Variants in WWC2 observed in about 807,000 individuals in gnomAD.
WWC2 encodes protein WWC2.
WWC2 carries 101 observed loss-of-function variants against 138.5 expected under a neutral mutation model. The observed-to-expected ratio is 0.73, with a 90% CI of 0.62 to 0.86. The LOEUF is 0.86. Ranked by LOEUF, WWC2 falls within the 40% of genes least tolerant of loss-of-function variation. The pLI is 0.00. For missense variants in WWC2, 1,420 were observed against 1,419.4 expected (o/e 1.00, Z -0.01); for synonymous variants, 558 against 538.4 (o/e 1.04, Z -0.50).
intron 1 of WWC2, among the ~76,000 whole-genome samples, chr4:183,126,847 G>A (rs1323611045): frequency 6.6e-6 from 1 of 151,244 alleles, no homozygotes; most frequent in African/African-American, 2.4e-5. Context: ...TTCTGCCTCA[G>A]CCTCCTGAGT....
Position 183,318,329 on chromosome 4 carries a change from T to C in WWC2, c.*2600T>C, listed in dbSNP as rs995924952. 1 of 152,630 alleles carries C rather than the reference T, an allele frequency of 6.6e-6. No homozygotes were observed. The highest frequency in any genetic ancestry group is 2.4e-5 in the African/African-American group (1 of 41,452). 9.5% of individuals were successfully genotyped at this position (152,630 alleles called of 1,614,324 possible). ...ATTGCTTTATCTATATTGTCTTAAATATCAAAAGCTCAGGACTGAACTTAA... is the reference window on the plus strand; with the variant it reads ...ATTGCTTTATCTATATTGTCTTAAACATCAAAAGCTCAGGACTGAACTTAA... On this transcript the variant is annotated 3_prime_UTR_variant, in exon 23 of 23. Transcript: ENST00000403733.
intron 14 of WWC2, among the ~76,000 whole-genome samples, chr4:183,267,531 C>T (rs905444757): frequency 3.9e-5 from 6 of 152,214 alleles, no homozygotes; most frequent in African/African-American, 1.4e-4. Context: ...TAATGCACAA[C>T]TTCAGGAGAA....
intron 17 of WWC2, 29 bp from the exon 18 acceptor site, chr4:183,282,678 CA>C (rs1358479979): frequency 6.4e-7 from 1 of 1,552,154 alleles, no homozygotes; most frequent in Non-Finnish European, 8.7e-7. Flanking sequence ...GCCTGCCTAC[CA>C]AAAGTGTTTT....
chr4:183,286,987 G>A (rs1738280469), intron 20 of WWC2, among the ~76,000 whole-genome samples: 1 of 152,174 alleles, frequency 6.6e-6, no homozygotes, highest in Admixed American at 6.5e-5. Flanking sequence ...GTGGGTAGGT[G>A]GCGTAAAATG....
At chr4:183,252,126 G>T (rs1580111453) in intron 8 of WWC2, among the ~76,000 whole-genome samples, 1 of 152,094 alleles carries the variant, frequency 6.6e-6, no homozygotes, top group Non-Finnish European at 1.5e-5. Context: ...ATGGCACAAA[G>T]GTATAGATCT....
At chr4:183,292,936 T>C (rs1738507420) in intron 21 of WWC2, among the ~76,000 whole-genome samples, 1 of 152,232 alleles carries the variant, frequency 6.6e-6, no homozygotes, top group East Asian at 1.9e-4. Context: ...TGTTGAATTG[T>C]ACAAAGGTTT....
At chr4:183,115,727 C>G (rs1451625984) in intron 1 of WWC2, among the ~76,000 whole-genome samples, 2 of 151,974 alleles carry the variant, frequency 1.3e-5, no homozygotes, top group Non-Finnish European at 2.9e-5. Context: ...GTTTATGTTC[C>G]TTATAGATTC....
At chr4:183,215,384 G>A (rs957551233) in intron 4 of WWC2, among the ~76,000 whole-genome samples, 7 of 152,048 alleles carry the variant, frequency 4.6e-5, no homozygotes, top group African/African-American at 1.7e-4. Context: ...TTAGAAAATA[G>A]TGCAACAGTC....
rs748974265 is a variant in WWC2, at chr4:183,265,112, G to A, written c.2039+5G>A. 6.2e-7 allele frequency: 1 copy of A among 1,600,714 alleles called. No individual in the cohort carries two copies. Among genetic ancestry groups the A allele is most frequent in the South Asian group, 1.1e-5 (1 of 88,218 alleles). On this transcript the variant is annotated splice_donor_5th_base_variant and intron_variant, in intron 12 of 22. Coordinates refer to ENST00000403733, the MANE Select transcript of WWC2 (RefSeq NM_024949.6). ...CTATGAAGCTTTCGTGAAACAGTAA[G>A]GATTCAGCAGGGGCGCTTTTAGCTC...
chr4:183,205,348 A>G (rs1431123389), intron 2 of WWC2, among the ~76,000 whole-genome samples: 4 of 152,162 alleles, frequency 2.6e-5, no homozygotes, highest in South Asian at 2.1e-4. Flanking sequence ...CTTACTGGCT[A>G]TTTGCACAAT....
chr4:183,314,441 G>A (rs1739366778), intron 22 of WWC2, among the ~76,000 whole-genome samples: 1 of 152,224 alleles, frequency 6.6e-6, no homozygotes, highest in Admixed American at 6.5e-5. Context: ...CGAGAATGAT[G>A]AGATGGACCA....
chr4:183,256,776 C>T (rs980495985), intron 9 of WWC2, among the ~76,000 whole-genome samples: 4 of 151,766 alleles, frequency 2.6e-5, no homozygotes, highest in African/African-American at 9.7e-5. Context: ...TTTGGGGTTC[C>T]CATTATTTCA....
chr4:183,135,424 A>G (rs1191713483), intron 1 of WWC2, among the ~76,000 whole-genome samples: 1 of 151,858 alleles, frequency 6.6e-6, no homozygotes, highest in African/African-American at 2.4e-5. Context: ...GTTCATATTT[A>G]CTTTTTTCTG....
chr4:183,106,591 C>A (rs1322663568), intron 1 of WWC2, among the ~76,000 whole-genome samples: 3 of 152,144 alleles, frequency 2.0e-5, no homozygotes, highest in Non-Finnish European at 4.4e-5. Context: ...ATTCATCTCC[C>A]GTCTCTACAG....
At chr4:183,127,361 T>C (rs1732793253) in intron 1 of WWC2, among the ~76,000 whole-genome samples, 1 of 152,228 alleles carries the variant, frequency 6.6e-6, no homozygotes, top group African/African-American at 2.4e-5. Flanking sequence ...AAGGACATTA[T>C]ACTAAGTGAA....
At position 183,164,226 on chromosome 4, in the gene WWC2, G is replaced by A. The variant is rs115321459; in HGVS notation, c.132-29373G>A. The stretch of plus-strand genomic sequence containing the variant: ...TACTTGGAAAATGTTATGACTTAAC[G>A]TAGGTCAGTGTCCCCTGCATTATGT... On this transcript the variant is annotated intron_variant, in intron 1 of 22. Transcript: ENST00000403733. 9.5e-3 allele frequency among the ~76,000 whole-genome samples: 1,391 copies of A among 147,142 alleles called. 14 individuals carry two copies. Among genetic ancestry groups the A allele is most frequent in the Non-Finnish European group, 0.015 (985 of 67,286 alleles).
chr4:183,149,934 C>T (rs1446123187), intron 1 of WWC2, among the ~76,000 whole-genome samples: 1 of 152,124 alleles, frequency 6.6e-6, no homozygotes, highest in African/African-American at 2.4e-5. Flanking sequence ...GGTTTCTCTT[C>T]ATCTGCTTCT....
At position 183,271,078 on chromosome 4, in the gene WWC2, A is replaced by G. The variant is rs1737680809; in HGVS notation, c.2401-2A>G. On this transcript the variant is annotated splice_acceptor_variant, in intron 15 of 22. Coordinates refer to ENST00000403733, the MANE Select transcript of WWC2 (RefSeq NM_024949.6). LOFTEE classifies it high-confidence loss of function. ...TTTCTTTGTTTTCTTTCACTTACAT[A>G]GGCTGGAACTCAGATCAGCCTGGCA... is the stretch of plus-strand genomic sequence containing the variant. 2 of 1,541,906 alleles carry G rather than the reference A, an allele frequency of 1.3e-6. No homozygotes were observed. Among genetic ancestry groups the G allele is most frequent in the African/African-American group, 1.4e-5 (1 of 71,850 alleles).
intron 1 of WWC2, among the ~76,000 whole-genome samples, chr4:183,156,412 G>A (rs1426185288): frequency 2.7e-5 from 4 of 146,926 alleles, no homozygotes; most frequent in East Asian, 2.0e-4. Context: ...CTCGACTGCA[G>A]CCTCCACTTC....
Sources: gnomAD v4.1 joint callset for allele counts (sites outside exome capture counted in the v4.1 genomes callset) on GRCh38, gnomAD v4.1.1 for gene constraint, MANE v1.5 for transcripts, NCBI Gene and HGNC (gene_info 2026-07-23, HGNC 2026-07-21) for gene names.